CCDC171: variants seen among roughly 807,000 people sequenced by gnomAD.
CCDC171 encodes coiled-coil domain-containing protein 171.
Under a neutral mutation model 168.2 loss-of-function variants are expected in CCDC171, and 177 were observed. The observed-to-expected ratio is 1.05, with a 90% CI of 0.93 to 1.19. The LOEUF (loss-of-function observed/expected upper bound fraction) is 1.19, where lower values mean the gene tolerates loss of function less well. Among genes scored for constraint, CCDC171 ranks in the 50% most tolerant of loss-of-function variants. The probability of loss-of-function intolerance (pLI) is 0.00; values close to 1 mark genes in which losing one functional copy is unlikely to be tolerated. For missense variants in CCDC171, 1,991 were observed against 1,539.0 expected (o/e 1.29, Z -4.91); for synonymous variants, 687 against 540.8 (o/e 1.27, Z -3.75).
At chr9:15,861,037 C>G (rs2061535634) in intron 23 of CCDC171, among the ~76,000 whole-genome samples, 1 of 80,676 alleles carries the variant, frequency 1.2e-5, no homozygotes, top group South Asian at 5.9e-4. Context: ...CTTTGTCTCT[C>G]CTGACAGTTT....
At chr9:15,882,252 C>T (rs1475207560) in intron 24 of CCDC171, among the ~76,000 whole-genome samples, 1 of 152,142 alleles carries the variant, frequency 6.6e-6, no homozygotes, top group Non-Finnish European at 1.5e-5. Context: ...TGAGAAATAT[C>T]TATTCAGATC....
At chr9:16,089,937 T>C in the CCDC171 span, among the ~76,000 whole-genome samples, 1 of 152,100 alleles carries the variant, frequency 6.6e-6, no homozygotes, top group Non-Finnish European at 1.5e-5. Flanking sequence ...CTGGAGAGGA[T>C]GTGGAGAAAT....
chr9:15,603,559 C>T (rs750970359), intron 6 of CCDC171, among the ~76,000 whole-genome samples: 7 of 152,166 alleles, frequency 4.6e-5, no homozygotes, highest in Non-Finnish European at 1.0e-4. Context: ...CCAGCTCTAT[C>T]CATGTCCCTG....
chr9:15,967,274 C>A (rs1830896409), intron 25 of CCDC171, among the ~76,000 whole-genome samples: 2 of 152,170 alleles, frequency 1.3e-5, no homozygotes, highest in Admixed American at 1.3e-4. Flanking sequence ...ATTTCTTCAT[C>A]TGTTTATGTG....
intron 25 of CCDC171, among the ~76,000 whole-genome samples, chr9:15,966,527 A>G (rs1244295982): frequency 2.6e-5 from 4 of 152,140 alleles, no homozygotes; most frequent in Non-Finnish European, 4.4e-5. Context: ...ACCAGATAGA[A>G]TGCTGAATGT....
chr9:15,564,158 A>G, intron 2 of CCDC171, 29 bp downstream of exon 2: 1 of 1,568,854 alleles, frequency 6.4e-7, no homozygotes, highest in Non-Finnish European at 8.7e-7. Context: ...CTTTTAGTTG[A>G]TGAACGTTTT....
chr9:15,950,880 T>G (rs1829072016), intron 25 of CCDC171, among the ~76,000 whole-genome samples: 1 of 150,862 alleles, frequency 6.6e-6, no homozygotes, highest in African/African-American at 2.4e-5. Context: ...AGGAAAGCCA[T>G]CTCACGTGCA....
chr9:15,811,460 G>T (rs971290152), intron 21 of CCDC171, among the ~76,000 whole-genome samples: 1 of 151,786 alleles, frequency 6.6e-6, no homozygotes, highest in Admixed American at 6.6e-5. Context: ...GTTTCATATT[G>T]TTGACCTGGT....
At chr9:16,015,528 T>C (rs1343428463) in intron 3 of CCDC171, among the ~76,000 whole-genome samples, 1 of 152,224 alleles carries the variant, frequency 6.6e-6, no homozygotes, top group African/African-American at 2.4e-5. Context: ...ATTTTCTGAC[T>C]ACAGCCTATA....
intron 20 of CCDC171, among the ~76,000 whole-genome samples, chr9:15,782,374 G>A (rs978693509): frequency 2.0e-5 from 3 of 152,118 alleles, no homozygotes; most frequent in Admixed American, 6.5e-5. Flanking sequence ...CTTATTCTGC[G>A]TTGCTATACT....
At chr9:15,672,661 A>G (rs560758734) in intron 9 of CCDC171, among the ~76,000 whole-genome samples, 13 of 152,278 alleles carry the variant, frequency 8.5e-5, no homozygotes, top group Non-Finnish European at 1.6e-4. Flanking sequence ...AGATGGTTGT[A>G]GATGTGTGGT....
chr9:16,087,580 G>A, the CCDC171 span, among the ~76,000 whole-genome samples: 2 of 39,616 alleles, frequency 5.0e-5, no homozygotes, highest in Non-Finnish European at 1.0e-4. Flanking sequence ...TTTTTTTTTT[G>A]CTTTCCATTT....
At chr9:15,833,794 T>C (rs536374749) in intron 21 of CCDC171, among the ~76,000 whole-genome samples, 98 of 152,290 alleles carry the variant, frequency 6.4e-4, no homozygotes, top group African/African-American at 2.3e-3. Flanking sequence ...CATCTAACTT[T>C]TAAAACAATT....
chr9:15,888,553 T>C (rs1485294022), intron 24 of CCDC171, among the ~76,000 whole-genome samples: 3 of 152,200 alleles, frequency 2.0e-5, no homozygotes, highest in Non-Finnish European at 2.9e-5. Context: ...ATATGTTGAC[T>C]TGTAGCTCCT....
Position 15,594,096 on chromosome 9 carries a change from A to T in CCDC171, c.599A>T (p.Glu200Val). 1 of 1,572,462 alleles carries T rather than the reference A, an allele frequency of 6.4e-7. No homozygotes were observed. Among genetic ancestry groups the T allele is most frequent in the Non-Finnish European group, 8.7e-7 (1 of 1,145,802 alleles). ...AATGAGATGGAGTCTCATATCAGGG[A>T]GACAGCATTGGAGGAGTTTAGATTA... ...EKNEMESHIRETALEEFRLQE... is the reference protein window; with the variant it reads ...EKNEMESHIRVTALEEFRLQE... The change falls in exon 6 of 26, where the codon GAG (glutamate) becomes GTG (valine). Residue 200 changes from glutamate to valine, a missense_variant. By Grantham distance (121) the Glu-to-Val change is moderately radical. Transcript: ENST00000380701.
the CCDC171 span, among the ~76,000 whole-genome samples, chr9:16,107,541 T>C: frequency 4.6e-5 from 7 of 152,020 alleles, no homozygotes; most frequent in Non-Finnish European, 8.8e-5. Flanking sequence ...TCTCTAAATG[T>C]GTGTGTGTAT....
chr9:15,631,908 A>G (rs932844554), intron 7 of CCDC171, among the ~76,000 whole-genome samples: 3 of 152,228 alleles, frequency 2.0e-5, no homozygotes, highest in Admixed American at 1.3e-4. Flanking sequence ...AAACAGAACC[A>G]AAGACAAAAA....
chr9:15,868,975 A>C (rs1168161270), intron 23 of CCDC171, among the ~76,000 whole-genome samples: 1 of 152,038 alleles, frequency 6.6e-6, no homozygotes, highest in Non-Finnish European at 1.5e-5. Context: ...CCTTCTGTAC[A>C]CTTTAAATTG....
chr9:15,588,918 GC>G (rs1280300749), intron 4 of CCDC171, among the ~76,000 whole-genome samples: 1 of 151,838 alleles, frequency 6.6e-6, no homozygotes, highest in Non-Finnish European at 1.5e-5. Context: ...CACCGTGTTA[GC>G]CAGGATGGTC....
Sources: gnomAD v4.1 joint callset for allele counts (sites outside exome capture counted in the v4.1 genomes callset) on GRCh38, gnomAD v4.1.1 for gene constraint, MANE v1.5 for transcripts, NCBI Gene and HGNC (gene_info 2026-07-23, HGNC 2026-07-21) for gene names.